DOCK1: variants seen among roughly 807,000 people sequenced by gnomAD.
The protein encoded by DOCK1 is dedicator of cytokinesis protein 1.
A neutral mutation model predicts 262.7 loss-of-function variants in DOCK1; 138 were observed. That is an observed-to-expected ratio of 0.53 (90% CI 0.46 to 0.61). The LOEUF (loss-of-function observed/expected upper bound fraction) is 0.61, where lower values mean the gene tolerates loss of function less well. DOCK1 is among the 20% of genes least tolerant of loss of function. The probability of loss-of-function intolerance (pLI) is 0.00; values close to 1 mark genes in which losing one functional copy is unlikely to be tolerated. For synonymous variants in DOCK1, 866 were observed against 867.4 expected (o/e 1.00, Z 0.03); for missense variants, 1,908 against 2,370.7 (o/e 0.80, Z 4.05).
chr10:127,438,460 G>A (rs1282971844), intron 48 of DOCK1, among the ~76,000 whole-genome samples: 2 of 152,210 alleles, frequency 1.3e-5, no homozygotes, highest in Non-Finnish European at 2.9e-5. Context: ...GACCTAGAAT[G>A]CAGGTCTTCT....
intron 1 of DOCK1, among the ~76,000 whole-genome samples, chr10:126,953,642 G>T (rs1309279991): frequency 6.6e-6 from 1 of 152,180 alleles, no homozygotes; most frequent in South Asian, 2.1e-4. Flanking sequence ...TGCCTTCGTG[G>T]CATAGGCCTC....
intron 21 of DOCK1, among the ~76,000 whole-genome samples, chr10:127,046,833 T>A (rs191321351): frequency 6.6e-5 from 10 of 152,040 alleles, no homozygotes; most frequent in African/African-American, 2.4e-4. Context: ...CATCCATAAT[T>A]GCAGTGAAGG....
At chr10:127,324,712 A>G (rs2062683898) in intron 29 of DOCK1, among the ~76,000 whole-genome samples, 1 of 152,182 alleles carries the variant, frequency 6.6e-6, no homozygotes, top group Admixed American at 6.5e-5. Flanking sequence ...AATCAAAGAA[A>G]GTCTTAGATC....
At chr10:127,137,721 T>A (rs1005586108) in intron 27 of DOCK1, 1 of 926,588 alleles carries the variant, frequency 1.1e-6, no homozygotes, top group African/African-American at 1.7e-5. Context: ...GGGCGAGAAG[T>A]GGGAGGTGCC....
chr10:127,068,272 G>T (rs2045991078), intron 23 of DOCK1, among the ~76,000 whole-genome samples: 1 of 152,156 alleles, frequency 6.6e-6, no homozygotes, highest in African/African-American at 2.4e-5. Flanking sequence ...TAGCATCTGG[G>T]ATCCACACGG....
chr10:127,381,447 CAAATTTTAGTAGGCCTAT>C (rs1175425012), intron 37 of DOCK1, 79 bp downstream of exon 37: 2 of 1,338,178 alleles, frequency 1.5e-6, no homozygotes, highest in Non-Finnish European at 2.1e-6. Flanking sequence ...TTTTCCATGG[CAAATTTTAGTAGGCCTAT>C]AACTTAAGGT....
intron 39 of DOCK1, 97 bp downstream of exon 39, chr10:127,403,241 G>A: frequency 7.9e-7 from 1 of 1,271,406 alleles, no homozygotes; most frequent in Non-Finnish European, 1.1e-6. Context: ...GTTCACCCCA[G>A]GCACTCTGGG....
chr10:127,363,038 C>CCCCCCCACACACACACACACATGTACAT (rs2064676144), intron 33 of DOCK1, among the ~76,000 whole-genome samples: 1 of 146,466 alleles, frequency 6.8e-6, no homozygotes, highest in Admixed American at 6.7e-5. Context: ...CATGCACCTC[C>CCCCCCCACACACACACACACATGTACAT]CCCCACACAC....
chr10:127,417,541 C>A (rs1335784198), intron 44 of DOCK1, among the ~76,000 whole-genome samples: 2 of 152,166 alleles, frequency 1.3e-5, no homozygotes, highest in Non-Finnish European at 2.9e-5. Flanking sequence ...CTCCAAGCAG[C>A]CTTTTCCTCC....
At chr10:127,052,262 C>A (rs542396667) in intron 21 of DOCK1, among the ~76,000 whole-genome samples, 1 of 152,194 alleles carries the variant, frequency 6.6e-6, no homozygotes, top group Non-Finnish European at 1.5e-5. Context: ...CAGTGGCTTA[C>A]GCCTATGATC....
intron 1 of DOCK1, among the ~76,000 whole-genome samples, chr10:126,958,853 A>G (rs1461923922): frequency 6.6e-6 from 1 of 152,148 alleles, no homozygotes; most frequent in African/African-American, 2.4e-5. Flanking sequence ...ATTTGAAGAG[A>G]TTTATTCTGA....
At chr10:127,206,414 G>T (rs1460001619) in intron 27 of DOCK1, among the ~76,000 whole-genome samples, 1 of 152,114 alleles carries the variant, frequency 6.6e-6, no homozygotes, top group Non-Finnish European at 1.5e-5. Flanking sequence ...AAAGTGCTGG[G>T]ATTAAAGGCG....
At chr10:127,017,678 G>GGGC (rs2042103792) in intron 12 of DOCK1, among the ~76,000 whole-genome samples, 1 of 152,210 alleles carries the variant, frequency 6.6e-6, no homozygotes, top group African/African-American at 2.4e-5. Flanking sequence ...ATGTTCTGAG[G>GGGC]GGCAGATGAG....
intron 50 of DOCK1, 104 bp downstream of exon 50, chr10:127,444,383 AGGGTG>A (rs1401429669): frequency 7.5e-5 from 104 of 1,379,744 alleles, no homozygotes; most frequent in Non-Finnish European, 9.1e-5. Flanking sequence ...CTTGCAGCAG[AGGGTG>A]GGAGTTTAGA....
At chr10:127,316,051 A>C (rs1470516649) in intron 29 of DOCK1, among the ~76,000 whole-genome samples, 1 of 152,242 alleles carries the variant, frequency 6.6e-6, no homozygotes, top group East Asian at 1.9e-4. Context: ...AAAGGTGTAT[A>C]TTTAAGGCCT....
At chr10:127,306,038 G>A (rs1410073413) in intron 29 of DOCK1, among the ~76,000 whole-genome samples, 3 of 144,390 alleles carry the variant, frequency 2.1e-5, no homozygotes, top group South Asian at 2.2e-4. Context: ...TTTTTGAGAC[G>A]GAGTCTCGCT....
chr10:127,066,883 G>A (rs866362480), intron 23 of DOCK1, among the ~76,000 whole-genome samples: 2 of 152,352 alleles, frequency 1.3e-5, no homozygotes, highest in Middle Eastern at 3.4e-3. Context: ...ATGGGGTAAC[G>A]CGCTGGTTTA....
intron 35 of DOCK1, among the ~76,000 whole-genome samples, chr10:127,378,623 A>C (rs2065655678): frequency 6.6e-6 from 1 of 152,236 alleles, no homozygotes; most frequent in Non-Finnish European, 1.5e-5. Context: ...AGAGGAATGA[A>C]GGTCGCATGA....
chr10:127,050,608 G>A (rs1004942500), intron 21 of DOCK1, among the ~76,000 whole-genome samples: 2 of 151,890 alleles, frequency 1.3e-5, no homozygotes, highest in Non-Finnish European at 2.9e-5. Flanking sequence ...GGGAGGCTGA[G>A]GCAGGAGAAT....
Sources: allele counts gnomAD v4.1 joint callset (sites outside exome capture counted in the v4.1 genomes callset), GRCh38; gene constraint gnomAD v4.1.1; transcripts MANE v1.5; gene names NCBI Gene and HGNC (gene_info 2026-07-23, HGNC 2026-07-21).